The following DMXL1 variants were observed in gnomAD, a reference collection of about 807,000 sequenced individuals.
DMXL1 encodes Dmx like 1, also known as dmX-like protein 1.
In DMXL1, 99 loss-of-function variants were observed where a neutral mutation model predicts 319.2. The observed-to-expected ratio is 0.31, with a 90% CI of 0.26 to 0.37. The LOEUF is 0.37. DMXL1 is among the 10% of genes least tolerant of loss of function. The pLI is 1.00. For synonymous variants in DMXL1, 1,385 were observed against 1,235.2 expected, an observed-to-expected ratio of 1.12 and a Z score of -2.54; for missense variants, 3,745 against 3,595.6, an observed-to-expected ratio of 1.04 and a Z score of -1.06.
At chr5:119,206,394 G>A (rs938991602) in intron 33 of DMXL1, 8 of 152,410 alleles carry the variant, frequency 5.2e-5, no homozygotes, top group African/African-American at 1.9e-4. Flanking sequence ...GATACATGTA[G>A]AAATTGAAAT....
chr5:119,105,049 C>A, intron 3 of DMXL1, 131 bp from the exon 4 acceptor site: 1 of 608,578 alleles, frequency 1.6e-6, no homozygotes, highest in Non-Finnish European at 3.0e-6. Context: ...TTTTTGTTGA[C>A]TGAACTGAAC....
chr5:119,182,320 G>A (rs1219083497), intron 28 of DMXL1, among the ~76,000 whole-genome samples: 3 of 152,154 alleles, frequency 2.0e-5, no homozygotes, highest in African/African-American at 4.8e-5. Flanking sequence ...CTACTCAAAC[G>A]TGTCAAAGCA....
chr5:119,078,887 A>G (rs924897085), intron 1 of DMXL1, among the ~76,000 whole-genome samples: 6 of 152,156 alleles, frequency 3.9e-5, no homozygotes, highest in Non-Finnish European at 8.8e-5. Context: ...TAACTTTACA[A>G]TTTATATAAT....
chr5:119,112,940 A>C (rs1216202098), intron 5 of DMXL1, among the ~76,000 whole-genome samples: 1 of 152,168 alleles, frequency 6.6e-6, no homozygotes, highest in East Asian at 1.9e-4. Flanking sequence ...TGGGCAATAG[A>C]GTGAGACTCC....
At chr5:119,193,385 G>A (rs2150389327) in intron 29 of DMXL1, among the ~76,000 whole-genome samples, 1 of 152,106 alleles carries the variant, frequency 6.6e-6, no homozygotes, top group South Asian at 2.1e-4. Context: ...CTTATTATAT[G>A]GCTTGTTCCT....
chr5:119,147,873 G>A (rs1768932543), intron 17 of DMXL1, among the ~76,000 whole-genome samples: 1 of 152,116 alleles, frequency 6.6e-6, no homozygotes, highest in Non-Finnish European at 1.5e-5. Flanking sequence ...TTTTCAAAGT[G>A]TCCCCAGGCC....
At position 119,149,654 on chromosome 5, in the gene DMXL1, A is replaced by G. The variant is rs1769333925; in HGVS notation, c.3827A>G (p.His1276Arg). 6.2e-7 allele frequency: 1 copy of G among 1,613,994 alleles called. No individual in the cohort carries two copies. Among genetic ancestry groups the G allele is most frequent in the East Asian group, 2.2e-5 (1 of 44,880 alleles). The change falls in exon 18 of 44, where the codon CAT (histidine) becomes CGT (arginine). Residue 1276 changes from histidine (H) to arginine (R), a missense_variant. Physicochemically the swap from His to Arg is conservative, Grantham distance 29. Transcript: ENST00000539542. ...CAGAGTAACTCCAGTTCTGGGTTAC[A>G]TCCTCCAAAGAAAACTCTGACTCGA... ...IKQSNSSSGL[H>R]PPKKTLTRSM...
At chr5:119,155,385 A>G (rs1401557266) in intron 19 of DMXL1, among the ~76,000 whole-genome samples, 1 of 152,214 alleles carries the variant, frequency 6.6e-6, no homozygotes, top group Non-Finnish European at 1.5e-5. Context: ...ATCAACATTA[A>G]CAAGAGTTTG....
Position 119,170,393 on chromosome 5 carries a change from G to A in DMXL1, c.5602G>A (p.Ala1868Thr). The change falls in exon 24 of 44, where the codon GCT (alanine) becomes ACT (threonine). Residue 1868 changes from alanine (A) to threonine (T), a missense_variant. This residue lies in a region of DMXL1 where 1,382 missense variants were observed against 1,269.5 expected (regional missense o/e 1.09). Transcript: ENST00000539542. ...TACCACTGCCAGTGCTCATTTAAAA[G>A]CTGGCTGCCCAATGTTGGCTTTGGA... Reference protein sequence around the residue: ...FFTTASAHLKAGCPMLALEVL... With the variant: ...FFTTASAHLKTGCPMLALEVL... 6.2e-7 allele frequency: 1 copy of A among 1,613,934 alleles called. No individual in the cohort carries two copies. Among genetic ancestry groups the A allele is most frequent in the South Asian group, 1.1e-5 (1 of 91,068 alleles).
intron 13 of DMXL1, among the ~76,000 whole-genome samples, chr5:119,143,023 A>G (rs1315087304): frequency 6.6e-6 from 1 of 152,032 alleles, no homozygotes; most frequent in Non-Finnish European, 1.5e-5. Context: ...GGAGCTAAAT[A>G]ATGAGAACTC....
Position 119,071,542 on chromosome 5 carries a change from G to A in DMXL1, c.-28G>A. 1 of 1,586,156 alleles carries A rather than the reference G, an allele frequency of 6.3e-7. No individual in the cohort carries two copies. Among genetic ancestry groups the A allele is most frequent in the Non-Finnish European group, 8.6e-7 (1 of 1,165,554 alleles). ...TGACCCGTGGCATGAGCTGGATGCG[G>A]TGTCCGTTGCAGGACTAGGGCGCCG... On this transcript the variant is annotated 5_prime_UTR_variant, in exon 1 of 44. The change creates a new upstream start codon in the 5' untranslated region. Transcript: ENST00000539542.
Position 119,239,354 on chromosome 5 carries a change from C to G in DMXL1, c.8651+274C>G, listed in dbSNP as rs186223884. On this transcript the variant is annotated intron_variant, in intron 41 of 43. Coordinates refer to ENST00000539542, the MANE Select transcript of DMXL1 (RefSeq NM_001290321.3). Reference sequence around the variant, plus strand: ...ATCAAGGCCCACTGAGTTTGCTTAGCTTATATATTTATCTGTAAGGCCACA... The same window carrying G: ...ATCAAGGCCCACTGAGTTTGCTTAGGTTATATATTTATCTGTAAGGCCACA... Among the ~76,000 whole-genome samples, 260 of 152,180 alleles carry G rather than the reference C, an allele frequency of 1.7e-3. 1 individual carries two copies. The highest frequency in any genetic ancestry group is 0.01 in the Middle Eastern group (3 of 294).
At position 119,190,936 on chromosome 5, in the gene DMXL1, A is replaced by C. The variant is rs1439097794; in HGVS notation, c.7314+1050A>C. 1.3e-5 allele frequency among the ~76,000 whole-genome samples: 2 copies of C among 152,232 alleles called. 1 individual carries two copies. Among genetic ancestry groups the C allele is most frequent in the East Asian group, 3.8e-4 (2 of 5,208 alleles). ...AAGGCACAGAAGAAATGCTTGCTTC[A>C]TATCCTGAGTTACAGAGATAGAAGG... On this transcript the variant is annotated intron_variant, in intron 29 of 43. Transcript: ENST00000539542.
intron 6 of DMXL1, 86 bp from the exon 7 acceptor site, chr5:119,116,072 T>C: frequency 7.8e-7 from 1 of 1,280,294 alleles, no homozygotes; most frequent in Non-Finnish European, 1.1e-6. Flanking sequence ...TTCTTGCCAT[T>C]GGGGAGAAAA....
chr5:119,119,106 A>T, intron 8 of DMXL1, 102 bp downstream of exon 8: 1 of 739,758 alleles, frequency 1.4e-6, no homozygotes, highest in Admixed American at 3.7e-5. Flanking sequence ...ATCCTAGGAA[A>T]ATAATTCTTA....
At chr5:119,105,769 T>C (rs1415121123) in intron 4 of DMXL1, among the ~76,000 whole-genome samples, 1 of 151,934 alleles carries the variant, frequency 6.6e-6, no homozygotes, top group Non-Finnish European at 1.5e-5. Flanking sequence ...TAGTGGCGCA[T>C]GCCTGTAATC....
intron 29 of DMXL1, among the ~76,000 whole-genome samples, chr5:119,190,526 C>A (rs1483843517): frequency 6.6e-6 from 1 of 152,150 alleles, no homozygotes; most frequent in African/African-American, 2.4e-5. Flanking sequence ...TTTGCTTCAT[C>A]TCCTGTGATA....
chr5:119,129,929 A>C (rs894787069), intron 10 of DMXL1, among the ~76,000 whole-genome samples: 4 of 152,200 alleles, frequency 2.6e-5, no homozygotes, highest in African/African-American at 9.7e-5. Context: ...GACGCATATC[A>C]CTTACACTGT....
rs1476584309 is a variant in DMXL1 at position 119,071,357 on chromosome 5, T to G, written c.-213T>G. On this transcript the variant is annotated 5_prime_UTR_variant, in exon 1 of 44. Coordinates refer to ENST00000539542, the MANE Select transcript of DMXL1 (RefSeq NM_001290321.3). ...CGCGAAGGAGCGCGGCGCTCCGCCCTCTCGCCGACCCGCCCCCTCCGGGCC... is the reference window on the plus strand; with the variant it reads ...CGCGAAGGAGCGCGGCGCTCCGCCCGCTCGCCGACCCGCCCCCTCCGGGCC... 1.8e-6 allele frequency: 1 copy of G among 547,996 alleles called. No individual in the cohort carries two copies. Among genetic ancestry groups the G allele is most frequent in the Admixed American group, 3.6e-5 (1 of 28,044 alleles). 33.9% of individuals were successfully genotyped at this position (547,996 alleles called of 1,614,324 possible). A position where few individuals can be genotyped will look rare whatever the true frequency, so the allele number is the denominator to read the frequency against.
Sources: gnomAD v4.1 joint callset for allele counts (sites outside exome capture counted in the v4.1 genomes callset) on GRCh38, gnomAD v4.1.1 for gene constraint, gnomAD v4.1.1 regional missense constraint, MANE v1.5 for transcripts, NCBI Gene and HGNC (gene_info 2026-07-23, HGNC 2026-07-21) for gene names.